CPLX1: variants seen among roughly 807,000 people sequenced by gnomAD.
CPLX1 encodes the protein complexin-1.
CPLX1 carries 6 observed loss-of-function variants against 15.6 expected under a neutral mutation model. The observed-to-expected ratio is 0.39, with a 90% CI of 0.21 to 0.76. CPLX1 has a LOEUF of 0.76. CPLX1 is among the 30% of genes least tolerant of loss of function. The pLI, the probability that CPLX1 is intolerant of heterozygous loss-of-function variation, is 0.43. For missense variants in CPLX1, 242 were observed against 188.6 expected (o/e 1.28, Z -1.66); for synonymous variants, 91 against 75.2 (o/e 1.21, Z -1.08).
chr4:791,677 C>T (rs1746179815), intron 3 of CPLX1, among the ~76,000 whole-genome samples: 1 of 152,216 alleles, frequency 6.6e-6, no homozygotes, highest in Admixed American at 6.5e-5. Context: ...CTGAGGCCAC[C>T]TTCTGGGAAA....
At chr4:824,368 A>G (rs1746933516) in intron 2 of CPLX1, 124 bp downstream of exon 2, 2 of 868,546 alleles carry the variant, frequency 2.3e-6, no homozygotes, top group East Asian at 2.4e-5. Context: ...GCTCCTGTGC[A>G]GGGCTGCGTG....
At chr4:807,539 A>G (rs1746579100) in intron 2 of CPLX1, among the ~76,000 whole-genome samples, 1 of 151,980 alleles carries the variant, frequency 6.6e-6, no homozygotes, top group South Asian at 2.1e-4. Flanking sequence ...CAGTGGCACA[A>G]TCTCGGCTCA....
chr4:802,061 C>T (rs1746470083), intron 2 of CPLX1, among the ~76,000 whole-genome samples: 1 of 152,178 alleles, frequency 6.6e-6, no homozygotes, highest in South Asian at 2.1e-4. Context: ...GGTGTTTACC[C>T]AAGAGAAACA....
intron 2 of CPLX1, among the ~76,000 whole-genome samples, chr4:820,783 A>C (rs62294159): frequency 1.2e-5 from 1 of 85,790 alleles, no homozygotes. Context: ...CACCAGCCTC[A>C]CGTGAACCCC....
intron 2 of CPLX1, among the ~76,000 whole-genome samples, chr4:804,021 G>A (rs1464779979): frequency 1.3e-5 from 2 of 152,248 alleles, no homozygotes; most frequent in African/African-American, 4.8e-5. Context: ...TGGTGCTGCC[G>A]CTACTGCGGT....
intron 2 of CPLX1, among the ~76,000 whole-genome samples, chr4:797,394 C>T (rs921580964): frequency 1.3e-5 from 2 of 152,202 alleles, no homozygotes; most frequent in Non-Finnish European, 1.5e-5. Context: ...GTGGCAGGAT[C>T]TCAGCTCACT....
At chr4:787,893 C>T in intron 3 of CPLX1, 2 of 985,410 alleles carry the variant, frequency 2.0e-6, no homozygotes, top group Non-Finnish European at 2.4e-6. Context: ...TTGGGCTGGC[C>T]TGGAAGGATT....
intron 2 of CPLX1, among the ~76,000 whole-genome samples, chr4:817,689 C>T (rs1746784735): frequency 6.6e-6 from 1 of 152,130 alleles, no homozygotes; most frequent in African/African-American, 2.4e-5. Context: ...AATCCCTACC[C>T]ACTGATGACT....
chr4:810,355 C>T (rs549006555), intron 2 of CPLX1, among the ~76,000 whole-genome samples: 1 of 152,156 alleles, frequency 6.6e-6, no homozygotes, highest in Admixed American at 6.5e-5. Flanking sequence ...GGCCTTGGGT[C>T]TGCGCTTTCA....
intron 2 of CPLX1, among the ~76,000 whole-genome samples, chr4:807,767 AG>A (rs1178468582): frequency 6.6e-6 from 1 of 152,160 alleles, no homozygotes; most frequent in Non-Finnish European, 1.5e-5. Context: ...TACAGGCGTG[AG>A]CCACCTTGCC....
rs193003027 is a variant in CPLX1 at position 817,528 on chromosome 4, G to C, written c.31+6964C>G. Among the ~76,000 whole-genome samples, 1,001 of 152,008 alleles carry C rather than the reference G, an allele frequency of 6.6e-3. 16 individuals carry two copies. Among genetic ancestry groups the C allele is most frequent in the African/African-American group, 0.023 (969 of 41,438 alleles). On this transcript the variant is annotated intron_variant, in intron 2 of 3. Transcript: ENST00000304062. ...GCTGAGATTGCGCCACTGCACTCCA[G>C]CCTGGGCAATAGAGCGAGACTCTGT...
At chr4:824,467 C>T (rs1007431341) in intron 2 of CPLX1, 25 bp downstream of exon 2, 5 of 1,605,870 alleles carry the variant, frequency 3.1e-6, no homozygotes, top group Non-Finnish European at 8.5e-7. Flanking sequence ...CTCAGCCCCT[C>T]CCCACCCCAC....
At chr4:793,516 C>T (rs959588117) in intron 2 of CPLX1, among the ~76,000 whole-genome samples, 3 of 152,218 alleles carry the variant, frequency 2.0e-5, no homozygotes, top group Non-Finnish European at 2.9e-5. Flanking sequence ...GCAGGCACTG[C>T]GGGGAGCCCT....
In CPLX1 at chr4:787,435, C is replaced by G. The variant is rs905806659; in HGVS notation, c.208-737G>C. 4 of 956,538 alleles carry G rather than the reference C, an allele frequency of 4.2e-6. No homozygotes were observed. In the African/African-American group the frequency reaches 7.1e-5, roughly 17 times the overall value. 59.3% of individuals were successfully genotyped at this position (956,538 alleles called of 1,614,324 possible). ...TATTGCCTGGAGCTTCAAAGGTGATCTCATTCGGAAACAGGTCTTTGTTGA... is the reference window on the plus strand; with the variant it reads ...TATTGCCTGGAGCTTCAAAGGTGATGTCATTCGGAAACAGGTCTTTGTTGA... On this transcript the variant is annotated intron_variant, in intron 3 of 3. Coordinates refer to ENST00000304062, the MANE Select transcript of CPLX1 (RefSeq NM_006651.4).
intron 2 of CPLX1, among the ~76,000 whole-genome samples, chr4:798,111 C>T (rs561963812): frequency 1.3e-5 from 2 of 151,848 alleles, no homozygotes; most frequent in South Asian, 2.1e-4. Flanking sequence ...CCCGTTTCTA[C>T]TAAAAATGCA....
chr4:816,690 T>TACCA (rs1746763093), intron 2 of CPLX1, among the ~76,000 whole-genome samples: 2 of 150,504 alleles, frequency 1.3e-5, no homozygotes, highest in African/African-American at 4.9e-5. Flanking sequence ...AGTGTGGTGG[T>TACCA]ACACACCTAT....
intron 2 of CPLX1, among the ~76,000 whole-genome samples, chr4:810,757 C>T (rs926820709): frequency 5.3e-5 from 8 of 150,472 alleles, no homozygotes; most frequent in African/African-American, 2.0e-4. Flanking sequence ...AGTGCAATGG[C>T]GTGGTCTTGG....
At chr4:824,710 C>A (rs1440083350) in intron 1 of CPLX1, 109 bp from the exon 2 acceptor site, 4 of 721,118 alleles carry the variant, frequency 5.5e-6, no homozygotes, top group East Asian at 2.7e-5. Flanking sequence ...GACCCTCCCC[C>A]ACCTGGAGCG....
intron 3 of CPLX1, among the ~76,000 whole-genome samples, chr4:789,519 G>A (rs1746104145): frequency 6.6e-6 from 1 of 152,244 alleles, no homozygotes. Context: ...GGGGGTAGGG[G>A]GATGCAATGT....
Sources: gnomAD v4.1 joint callset for allele counts (sites outside exome capture counted in the v4.1 genomes callset) on GRCh38, gnomAD v4.1.1 for gene constraint, MANE v1.5 for transcripts, NCBI Gene and HGNC (gene_info 2026-07-23, HGNC 2026-07-21) for gene names.